Variants in KAZN observed in about 807,000 individuals in gnomAD.
KAZN encodes the protein kazrin.
KAZN carries 40 observed loss-of-function variants against 87.4 expected under a neutral mutation model. The ratio of observed to expected loss-of-function variants is 0.46; its 90% CI spans 0.36 to 0.60. The LOEUF is 0.60. Ranked by LOEUF, KAZN falls within the 20% of genes least tolerant of loss-of-function variation. The pLI is 0.00. For synonymous variants in KAZN, 466 were observed against 458.3 expected (o/e 1.02, Z -0.22); for missense variants, 898 against 1,073.9 (o/e 0.84, Z 2.29).
intron 1 of KAZN, among the ~76,000 whole-genome samples, chr1:14,009,761 G>A (rs925356317): frequency 6.6e-6 from 1 of 152,160 alleles, no homozygotes; most frequent in African/African-American, 2.4e-5. Context: ...TACAACATAA[G>A]CATTATGTCT....
Position 14,143,796 on chromosome 1 carries a change from C to T in KAZN, c.92-36639C>T, listed in dbSNP as rs112425280. Among the ~76,000 whole-genome samples, 1,033 of 151,898 alleles carry T rather than the reference C, an allele frequency of 6.8e-3. 12 individuals carry two copies. Among genetic ancestry groups the T allele is most frequent in the Middle Eastern group, 0.041 (12 of 294 alleles). ...ACAGTGGTGTGATCTCGGCTCACCA[C>T]AGCCTCGACCTCCTAGGCTCAAGCA... On this transcript the variant is annotated intron_variant, in intron 1 of 16. Coordinates refer to the KAZN transcript ENST00000636203.
Position 14,735,525 on chromosome 1 carries a change from G to A in KAZN, c.226+136302G>A, listed in dbSNP as rs1643875077. ...CACAAAGCCTGAGTGTCAAAGCCTC[G>A]CTGGTAGCCAGGCTCAGAGAGAATG... On this transcript the variant is annotated intron_variant, in intron 1 of 14. Coordinates refer to ENST00000376030, the MANE Select transcript of KAZN (RefSeq NM_201628.3). The surrounding 1 kb of genome is among the most constrained non-coding windows in gnomAD (Gnocchi z 4.3). 1.3e-5 allele frequency among the ~76,000 whole-genome samples: 2 copies of A among 152,156 alleles called. No individual in the cohort carries two copies. Among genetic ancestry groups the A allele is most frequent in the South Asian group, 4.1e-4 (2 of 4,822 alleles).
intron 2 of KAZN, among the ~76,000 whole-genome samples, chr1:14,357,330 G>A (rs892673749): frequency 1.3e-5 from 2 of 152,148 alleles, no homozygotes; most frequent in Non-Finnish European, 2.9e-5. Context: ...GGGCTGAGAT[G>A]ATAGTGTTTT....
chr1:14,690,993 G>GAAT (rs1641256822), intron 1 of KAZN, among the ~76,000 whole-genome samples: 1 of 152,114 alleles, frequency 6.6e-6, no homozygotes, highest in African/African-American at 2.4e-5. Flanking sequence ...ACCTAATGTT[G>GAAT]AATTTACATT....
chr1:14,932,694 C>T (rs1659985147), intron 1 of KAZN, among the ~76,000 whole-genome samples: 1 of 151,982 alleles, frequency 6.6e-6, no homozygotes, highest in Non-Finnish European at 1.5e-5. Flanking sequence ...TTTCCACCCA[C>T]AAGGAGCTGA....
intron 1 of KAZN, among the ~76,000 whole-genome samples, chr1:14,826,999 C>T (rs1646909295): frequency 6.6e-6 from 1 of 152,180 alleles, no homozygotes; most frequent in South Asian, 2.1e-4. Flanking sequence ...AATCAATCCC[C>T]ACCTATTGGA....
intron 1 of KAZN, among the ~76,000 whole-genome samples, chr1:14,936,377 C>G (rs571983205): frequency 6.6e-6 from 1 of 152,292 alleles, no homozygotes; most frequent in East Asian, 1.9e-4. Context: ...CTGGTGAAGA[C>G]AGACCTGTAC....
rs186878495 is a variant in KAZN at position 14,015,822 on chromosome 1, T to A, written c.91+122066T>A. Among the ~76,000 whole-genome samples, 21 of 151,660 alleles carry A rather than the reference T, an allele frequency of 1.4e-4. No individual in the cohort carries two copies. The East Asian group carries it at 3.4e-3, about 24-fold the overall frequency. On this transcript the variant is annotated intron_variant, in intron 1 of 16. Transcript: ENST00000636203. ...TTCCCATCTTTCCACTGGAGGGAAA[T>A]TGGGTTCATAGAGTAGAAATACTTT...
chr1:14,877,595 G>A (rs1264645084), intron 1 of KAZN, among the ~76,000 whole-genome samples: 1 of 152,194 alleles, frequency 6.6e-6, no homozygotes, highest in African/African-American at 2.4e-5. Flanking sequence ...CCGAAAGCCT[G>A]TGACAGCTTG....
At chr1:14,886,764 C>T (rs1417144494) in intron 1 of KAZN, among the ~76,000 whole-genome samples, 1 of 152,168 alleles carries the variant, frequency 6.6e-6, no homozygotes, top group Non-Finnish European at 1.5e-5. Flanking sequence ...ATACTCCAGC[C>T]TGGGCAACAA....
In KAZN at chr1:15,066,050, T is replaced by A. The variant is rs1283997459; in HGVS notation, c.1222+297T>A. 1.8e-5 allele frequency: 22 copies of A among 1,220,428 alleles called. No homozygotes were observed. 75.6% of individuals were successfully genotyped at this position (1,220,428 alleles called of 1,614,324 possible). ...GTGTGAACCTGTCAACTCTCTGTCG[T>A]CTTTGGAGCGATACAGTTGTGTTGT... is the stretch of plus-strand genomic sequence containing the variant. On this transcript the variant is annotated intron_variant, in intron 8 of 14. Coordinates refer to ENST00000376030, the MANE Select transcript of KAZN (RefSeq NM_201628.3). This position sits in a 1 kb window ranked among gnomAD's most constrained non-coding sequence, Gnocchi z 4.3.
intron 2 of KAZN, among the ~76,000 whole-genome samples, chr1:14,567,848 T>C (rs1330434326): frequency 1.3e-5 from 2 of 152,190 alleles, no homozygotes; most frequent in African/African-American, 4.8e-5. Flanking sequence ...CACAGTTCTT[T>C]TACTCCCCCA....
intron 1 of KAZN, among the ~76,000 whole-genome samples, chr1:13,956,973 G>A (rs1286482070): frequency 1.3e-5 from 2 of 152,154 alleles, no homozygotes; most frequent in African/African-American, 2.4e-5. Flanking sequence ...TATGTTGGTG[G>A]GTAGCTGAGG....
Position 15,066,940 on chromosome 1 carries a change from G to A in KAZN, c.1222+1187G>A, listed in dbSNP as rs1473723122. 1 of 985,326 alleles carries A rather than the reference G, an allele frequency of 1.0e-6. No individual in the cohort carries two copies. The highest frequency in any genetic ancestry group is 1.2e-6 in the Non-Finnish European group (1 of 829,964). 61.0% of individuals were successfully genotyped at this position (985,326 alleles called of 1,614,324 possible). A position where few individuals can be genotyped will look rare whatever the true frequency, so the allele number is the denominator to read the frequency against. On this transcript the variant is annotated intron_variant, in intron 8 of 14. Transcript: ENST00000376030. The surrounding 1 kb of genome is among the most constrained non-coding windows in gnomAD (Gnocchi z 4.3). ...ATCTGACATACAGAACACGACTTTA[G>A]TGAGCAGAGTGCTGACAGTCATGGT...
intron 2 of KAZN, among the ~76,000 whole-genome samples, chr1:14,299,493 C>A (rs186914566): frequency 6.6e-6 from 1 of 152,136 alleles, no homozygotes; most frequent in Non-Finnish European, 1.5e-5. Context: ...ACAGAGCAAG[C>A]AAGACTGTCT....
At chr1:15,016,340 C>T (rs917519724) in intron 2 of KAZN, among the ~76,000 whole-genome samples, 1 of 152,182 alleles carries the variant, frequency 6.6e-6, no homozygotes, top group Non-Finnish European at 1.5e-5. Context: ...GGCTGGAGTG[C>T]AATGACGCGA....
intron 1 of KAZN, among the ~76,000 whole-genome samples, chr1:14,138,706 T>A (rs1645164604): frequency 6.6e-6 from 1 of 152,196 alleles, no homozygotes; most frequent in Non-Finnish European, 1.5e-5. Context: ...CATCGCACCA[T>A]CTCCATCCAT....
intron 1 of KAZN, among the ~76,000 whole-genome samples, chr1:14,847,101 T>C (rs1004281955): frequency 3.3e-5 from 5 of 152,236 alleles, no homozygotes; most frequent in South Asian, 2.1e-4. Context: ...GGACAAATCA[T>C]TGCTGTTTTC....
chr1:14,553,820 C>T (rs1673696390), intron 2 of KAZN, among the ~76,000 whole-genome samples: 1 of 152,170 alleles, frequency 6.6e-6, no homozygotes, highest in Non-Finnish European at 1.5e-5. Context: ...ATCAGACTTT[C>T]CTGGTGGAGC....
Sources: gnomAD v4.1 joint callset for allele counts (sites outside exome capture counted in the v4.1 genomes callset) on GRCh38, gnomAD v4.1.1 for gene constraint, Gnocchi (gnomAD v3.1) non-coding constraint, MANE v1.5 for transcripts, NCBI Gene and HGNC (gene_info 2026-07-23, HGNC 2026-07-21) for gene names.